The following MACF1 variants were observed in gnomAD, a reference collection of about 807,000 sequenced individuals.
MACF1 encodes the protein microtubule-actin cross-linking factor 1.
In MACF1, 193 loss-of-function variants were observed where a neutral mutation model predicts 854.8. The ratio of observed to expected loss-of-function variants is 0.23; its 90% CI spans 0.20 to 0.25. MACF1 has a LOEUF of 0.25. MACF1 is among the 10% of genes least tolerant of loss of function. The pLI is 1.00. For missense variants in MACF1, 7,722 were observed against 8,929.1 expected, an observed-to-expected ratio of 0.86 and a Z score of 5.45; for synonymous variants, 3,185 against 3,226.7, an observed-to-expected ratio of 0.99 and a Z score of 0.44.
intron 2 of MACF1, among the ~76,000 whole-genome samples, chr1:39,116,279 T>TGTA (rs1642541247): frequency 6.6e-6 from 1 of 152,092 alleles, no homozygotes; most frequent in Non-Finnish European, 1.5e-5. Flanking sequence ...TGGTTAGAGG[T>TGTA]GTAGGAACTT....
rs140107969 is a variant in MACF1, at chr1:39,164,488, C to T, written c.221-66694C>T. On this transcript the variant is annotated intron_variant, in intron 2 of 93. Coordinates refer to the MACF1 transcript ENST00000361689. ...GGTAGAACAGGGGCCAAGTGGCCTT[C>T]TCACTTAGTCAGCAGCTCCCATCAT... Among the ~76,000 whole-genome samples, 184 of 152,318 alleles carry T rather than the reference C, an allele frequency of 1.2e-3. 1 individual carries two copies. Among genetic ancestry groups the T allele is most frequent in the African/African-American group, 4.4e-3 (182 of 41,568 alleles).
chr1:39,427,975 C>T lies in MACF1; in HGVS notation c.16491C>T (p.Asp5497=). ...QIIRHKALEE[D]IENHATDVHQ... is the part of the protein sequence containing the mutation. ...TGGATTTCCAGGCTCTGGAAGAAGACATAGAAAACCATGCAACAGATGTGC... is the reference window on the plus strand; with the variant it reads ...TGGATTTCCAGGCTCTGGAAGAAGATATAGAAAACCATGCAACAGATGTGC... Residue 5497 remains aspartate (D), a synonymous_variant, in exon 63 of 101, where the codon GAC becomes GAT. Coordinates refer to ENST00000564288, the MANE Select transcript of MACF1 (RefSeq NM_001394062.1). 6.2e-7 allele frequency: 1 copy of T among 1,610,616 alleles called. No homozygotes were observed. The highest frequency in any genetic ancestry group is 8.5e-7 in the Non-Finnish European group (1 of 1,177,638).
chr1:39,325,280 G>T (rs1460322848), intron 35 of MACF1, among the ~76,000 whole-genome samples: 2 of 152,150 alleles, frequency 1.3e-5, no homozygotes, highest in East Asian at 3.9e-4. Context: ...AAAGAACAGA[G>T]TTCCAAAAAG....
chr1:39,292,557 G>C (rs577745680), intron 16 of MACF1, among the ~76,000 whole-genome samples: 4 of 152,330 alleles, frequency 2.6e-5, no homozygotes, highest in African/African-American at 9.6e-5. Flanking sequence ...GAGGTCTGTT[G>C]TTTGTAATTA....
chr1:39,424,448 A>T lies in MACF1; in HGVS notation c.16316+254A>T, dbSNP rs909963318. ...CTGTGTGGTTGTTCTGCTGTAGTAT[A>T]ATCATAGTTCCAAATGACAGACACA... On this transcript the variant is annotated intron_variant, in intron 61 of 100. Coordinates refer to ENST00000564288, the MANE Select transcript of MACF1 (RefSeq NM_001394062.1). Among the ~76,000 whole-genome samples the T allele has an allele frequency of 2.6e-5, 4 of 152,152 alleles. 1 individual carries two copies. The highest frequency in any genetic ancestry group is 9.6e-5 in the African/African-American group (4 of 41,458).
chr1:39,484,553 C>A, intron 99 of MACF1, 48 bp from the exon 100 acceptor site: 1 of 1,559,396 alleles, frequency 6.4e-7, no homozygotes, highest in Non-Finnish European at 8.7e-7. Context: ...GAATTTCTGG[C>A]AAAGATTTTA....
intron 2 of MACF1, among the ~76,000 whole-genome samples, chr1:39,176,109 C>CAAAAAAAAAAA (rs773763271): frequency 9.7e-4 from 13 of 13,344 alleles, no homozygotes; most frequent in South Asian, 7.9e-3. Flanking sequence ...GACTCCTTCT[C>CAAAAAAAAAAA]AAAAAAAAAA....
intron 61 of MACF1, 112 bp from the exon 62 acceptor site, chr1:39,427,343 A>G (rs1643760157): frequency 1.2e-6 from 1 of 852,104 alleles, no homozygotes; most frequent in South Asian, 1.8e-5. Flanking sequence ...TCTGTTTACT[A>G]TTGGTATTTA....
intron 22 of MACF1, among the ~76,000 whole-genome samples, chr1:39,301,287 C>T (rs1022912482): frequency 1.9e-4 from 29 of 151,746 alleles, no homozygotes; most frequent in Non-Finnish European, 1.2e-4. Context: ...CCACCATGCC[C>T]GCCTAAGTTT....
chr1:39,133,279 A>C (rs1377774687), intron 2 of MACF1, among the ~76,000 whole-genome samples: 1 of 152,180 alleles, frequency 6.6e-6, no homozygotes, highest in African/African-American at 2.4e-5. Context: ...CTGCACAGCC[A>C]CTTGTTTTCC....
intron 58 of MACF1, chr1:39,411,537 T>C (rs768194897): frequency 5.0e-6 from 8 of 1,613,790 alleles, no homozygotes; most frequent in Non-Finnish European, 5.9e-6. Context: ...TTCTTACAGG[T>C]GAGGATATTC....
intron 58 of MACF1, among the ~76,000 whole-genome samples, chr1:39,406,330 T>A: frequency 6.6e-6 from 1 of 152,162 alleles, no homozygotes; most frequent in East Asian, 1.9e-4. Flanking sequence ...GTAAGAATAT[T>A]GGTAGATAGA....
At chr1:39,144,883 G>C (rs1192198537) in intron 2 of MACF1, among the ~76,000 whole-genome samples, 1 of 152,060 alleles carries the variant, frequency 6.6e-6, no homozygotes, top group Admixed American at 6.6e-5. Context: ...CCAGAATCTG[G>C]TCACAACCTC....
At chr1:39,354,519 A>T (rs1647357936) in intron 44 of MACF1, among the ~76,000 whole-genome samples, 3 of 152,054 alleles carry the variant, frequency 2.0e-5, no homozygotes, top group African/African-American at 7.2e-5. Flanking sequence ...ATTCTCATGC[A>T]TCAGCCTCCC....
At chr1:39,463,927 G>C (rs947513053) in intron 94 of MACF1, 1 of 375,272 alleles carries the variant, frequency 2.7e-6, no homozygotes, top group Non-Finnish European at 5.1e-6. Flanking sequence ...TTTCAGAGCT[G>C]TCACTTCACA....
In MACF1 at chr1:39,331,259, C is replaced by T; in HGVS notation, c.4671C>T (p.Ile1557=). 1 of 1,557,516 alleles carries T rather than the reference C, an allele frequency of 6.4e-7. No individual in the cohort carries two copies. The highest frequency in any genetic ancestry group is 1.1e-5 in the South Asian group (1 of 90,406). The change falls in exon 37 of 101, where the codon ATC becomes ATT. Residue 1557 remains isoleucine (I), a synonymous_variant. Transcript: ENST00000564288. ...IDLGTVEIFP[I]FKAMQKGLLD... ...TAGGCACAGTGGAGATATTTCCCAT[C>T]TTCAAAGCCATGCAAAAGGGCCTCC...
At position 39,409,024 on chromosome 1, in the gene MACF1, G is replaced by GGCGCA. The variant is rs1448460955; in HGVS notation, c.15817-13345_15817-13341dup. On this transcript the variant is annotated intron_variant, in intron 58 of 100. Transcript: ENST00000564288. The surrounding 1 kb of genome is among the most constrained non-coding windows in gnomAD (Gnocchi z 4.2). ...TTCCAGGGGGCTGCCCGGGCGGGGCGGCGCAGCGCGGCGGCGCGGGGAAGG... is the reference window on the plus strand; with the variant it reads ...TTCCAGGGGGCTGCCCGGGCGGGGCGGCGCAGCGCAGCGCGGCGGCGCGGGGAAGG... Among the ~76,000 whole-genome samples, 26 of 151,904 alleles carry GGCGCA rather than the reference G, an allele frequency of 1.7e-4. No homozygotes were observed. Among genetic ancestry groups the GGCGCA allele is most frequent in the Admixed American group, 9.2e-4 (14 of 15,262 alleles).
chr1:39,465,034 C>T, intron 94 of MACF1, 61 bp from the exon 95 acceptor site: 1 of 1,466,682 alleles, frequency 6.8e-7, no homozygotes, highest in Non-Finnish European at 9.5e-7. Flanking sequence ...GTTAATTTGA[C>T]AAAATGTTCT....
At chr1:39,191,593 C>T (rs1254963526) in intron 2 of MACF1, among the ~76,000 whole-genome samples, 1 of 152,216 alleles carries the variant, frequency 6.6e-6, no homozygotes, top group African/African-American at 2.4e-5. Flanking sequence ...CCTCCTTCTT[C>T]TGAGATTGGG....
Sources: allele counts gnomAD v4.1 joint callset (sites outside exome capture counted in the v4.1 genomes callset), GRCh38; gene constraint gnomAD v4.1.1; non-coding constraint Gnocchi (gnomAD v3.1); transcripts MANE v1.5; gene names NCBI Gene and HGNC (gene_info 2026-07-23, HGNC 2026-07-21).